The following NEIL3 variants were observed in gnomAD, a reference collection of about 807,000 sequenced individuals.
NEIL3 encodes the protein nei like DNA glycosylase 3, also known as endonuclease 8-like 3.
Under a neutral mutation model 57.5 loss-of-function variants are expected in NEIL3, and 48 were observed. That is an observed-to-expected ratio of 0.83 (90% confidence interval 0.66 to 1.06). The LOEUF (loss-of-function observed/expected upper bound fraction) is 1.06. Ranked by LOEUF, NEIL3 falls within the 50% of genes least tolerant of loss-of-function variation. The pLI is 0.00. For synonymous variants in NEIL3, 261 were observed against 253.2 expected, an observed-to-expected ratio of 1.03 and a Z score of -0.29; for missense variants, 717 against 739.1, an observed-to-expected ratio of 0.97 and a Z score of 0.35.
At chr4:177,351,588 A>C in intron 7 of NEIL3, 39 bp downstream of exon 7, 2 of 1,507,542 alleles carry the variant, frequency 1.3e-6, no homozygotes, top group Non-Finnish European at 1.8e-6. Flanking sequence ...TTACATTTCT[A>C]AGAGGGTTAA....
downstream of NEIL3, among the ~76,000 whole-genome samples, chr4:177,364,658 G>A (rs997926093): frequency 9.9e-5 from 15 of 152,090 alleles, no homozygotes; most frequent in Non-Finnish European, 1.5e-5. Flanking sequence ...GGCCGGGCAC[G>A]GTGGCTCACA....
intron 8 of NEIL3, 38 bp from the exon 9 acceptor site, chr4:177,360,465 C>T: frequency 6.4e-7 from 1 of 1,558,486 alleles, no homozygotes; most frequent in South Asian, 1.2e-5. Context: ...TCCCTTAGCA[C>T]TCCTATGCTG....
In NEIL3 at chr4:177,351,505, C is replaced by T. The variant is rs976996832; in HGVS notation, c.995C>T (p.Pro332Leu). 4 of 1,613,888 alleles carry T rather than the reference C, an allele frequency of 2.5e-6. No homozygotes were observed. Among genetic ancestry groups the T allele is most frequent in the Admixed American group, 3.3e-5 (2 of 59,986 alleles). Residue 332 changes from proline (P) to leucine (L), a missense_variant, in exon 7 of 10, where the codon CCC becomes CTC. Physicochemically the swap from Pro to Leu is moderately conservative, Grantham distance 98 (BLOSUM62 -3). Coordinates refer to ENST00000264596, the MANE Select transcript of NEIL3 (RefSeq NM_018248.3). ...GTGGTGTGTACTTTAATCAATAAGC[C>T]CTCTTCTAAGGCATGTGATGCTTGC... ...TCVVCTLINK[P>L]SSKACDACLT...
At chr4:177,311,264 A>G (rs1351421114) in intron 1 of NEIL3, among the ~76,000 whole-genome samples, 2 of 152,208 alleles carry the variant, frequency 1.3e-5, no homozygotes, top group African/African-American at 4.8e-5. Flanking sequence ...AGACACAAAG[A>G]CATTCATTAA....
At chr4:177,336,085 G>A in intron 3 of NEIL3, 23 bp from the exon 4 acceptor site, 1 of 1,538,184 alleles carries the variant, frequency 6.5e-7, no homozygotes, top group Non-Finnish European at 9.0e-7. Context: ...TATGATTAAT[G>A]TGTTTTATAT....
chr4:177,338,465 T>TTTC (rs1291000988), intron 4 of NEIL3, among the ~76,000 whole-genome samples: 1 of 152,168 alleles, frequency 6.6e-6, no homozygotes, highest in African/African-American at 2.4e-5. Flanking sequence ...ATACTATATT[T>TTTC]TTCATTCATG....
At position 177,322,578 on chromosome 4, in the gene NEIL3, ACGGTAAGATAAGCC is replaced by A. The variant is rs1734706550; in HGVS notation, c.277_278+12del. 1 of 1,613,740 alleles carries A rather than the reference ACGGTAAGATAAGCC, an allele frequency of 6.2e-7. No homozygotes were observed. ...TTATGTACTTTGGACCAAAAGCTTT[ACGGTAAGATAAGCC>A]TGTACGATACATCTTATCTCTCTAT... On this transcript the variant is annotated splice_donor_variant and splice_donor_5th_base_variant and coding_sequence_variant and intron_variant, in exon 2 of 10. Coordinates refer to ENST00000264596, the MANE Select transcript of NEIL3 (RefSeq NM_018248.3). LOFTEE classifies it high-confidence loss of function.
At chr4:177,326,092 G>T (rs28862591) in intron 2 of NEIL3, among the ~76,000 whole-genome samples, 30,734 of 151,688 alleles carry the variant, frequency 0.2, 3,473 homozygotes, top group East Asian at 0.31. Flanking sequence ...TCATTCATAC[G>T]TTTTGTGACC....
At chr4:177,324,774 T>C (rs1423139845) in intron 2 of NEIL3, among the ~76,000 whole-genome samples, 1 of 152,152 alleles carries the variant, frequency 6.6e-6, no homozygotes, top group Non-Finnish European at 1.5e-5. Flanking sequence ...AGTAATACAT[T>C]CTCAATCCCA....
intron 8 of NEIL3, among the ~76,000 whole-genome samples, chr4:177,357,450 C>T (rs1416784173): frequency 6.6e-6 from 1 of 151,988 alleles, no homozygotes; most frequent in Non-Finnish European, 1.5e-5. Context: ...TCCACTGTGG[C>T]CCAGGGAAGC....
downstream of NEIL3, among the ~76,000 whole-genome samples, chr4:177,366,458 G>C (rs570830889): frequency 2.6e-3 from 390 of 152,252 alleles, 3 homozygotes; most frequent in African/African-American, 8.4e-3. Flanking sequence ...TAGTGCAGTG[G>C]CACAATCTCG....
chr4:177,359,046 A>G (rs1735546885), intron 8 of NEIL3, among the ~76,000 whole-genome samples: 1 of 152,120 alleles, frequency 6.6e-6, no homozygotes, highest in African/African-American at 2.4e-5. Flanking sequence ...CTTGAAGTTA[A>G]AGTTTTGGAG....
intron 9 of NEIL3, 91 bp from the exon 10 acceptor site, chr4:177,362,198 C>T: frequency 1.2e-6 from 1 of 853,416 alleles, no homozygotes; most frequent in Non-Finnish European, 1.7e-6. Flanking sequence ...GCAGTGAAGA[C>T]TATATGGCAC....
intron 8 of NEIL3, among the ~76,000 whole-genome samples, chr4:177,356,568 C>A (rs1179123829): frequency 4.6e-5 from 7 of 152,172 alleles, no homozygotes; most frequent in Non-Finnish European, 8.8e-5. Context: ...GGACAAGATG[C>A]CTAGCAGAAG....
chr4:177,348,244 A>G (rs1319605551), intron 6 of NEIL3, among the ~76,000 whole-genome samples: 1 of 152,148 alleles, frequency 6.6e-6, no homozygotes, highest in African/African-American at 2.4e-5. Flanking sequence ...ACACGTTCCC[A>G]CATGACGCCC....
rs547801302 is a variant in NEIL3 at position 177,350,333 on chromosome 4, C to T, written c.870-1047C>T. On this transcript the variant is annotated intron_variant, in intron 6 of 9. Coordinates refer to ENST00000264596, the MANE Select transcript of NEIL3 (RefSeq NM_018248.3). ...TTAACTGTGTGACATGCTCTATATCCAGACCTATAGCTAGCTGTGCATTAG... is the reference window on the plus strand; with the variant it reads ...TTAACTGTGTGACATGCTCTATATCTAGACCTATAGCTAGCTGTGCATTAG... Among the ~76,000 whole-genome samples the T allele has an allele frequency of 5.1e-4, 77 of 152,284 alleles. No individual in the cohort carries two copies. In the South Asian group the frequency reaches 6.6e-3, roughly 13 times the overall value.
At chr4:177,322,163 C>T (rs1163094468) in intron 1 of NEIL3, among the ~76,000 whole-genome samples, 1 of 152,140 alleles carries the variant, frequency 6.6e-6, no homozygotes, top group African/African-American at 2.4e-5. Flanking sequence ...TATTCCTATG[C>T]TTTCTTTTCA....
At chr4:177,347,001 C>T (rs1380238273) in intron 6 of NEIL3, among the ~76,000 whole-genome samples, 3 of 123,404 alleles carry the variant, frequency 2.4e-5, no homozygotes, top group African/African-American at 8.9e-5. Context: ...GACTCCGTCT[C>T]AAAAAAAAAA....
intron 1 of NEIL3, among the ~76,000 whole-genome samples, chr4:177,320,386 T>A (rs1332172106): frequency 6.6e-6 from 1 of 151,942 alleles, no homozygotes; most frequent in East Asian, 1.9e-4. Flanking sequence ...GACTGAGCTT[T>A]GAGGACATGG....
Sources: gnomAD v4.1 joint callset for allele counts (sites outside exome capture counted in the v4.1 genomes callset) on GRCh38, gnomAD v4.1.1 for gene constraint, MANE v1.5 for transcripts, NCBI Gene and HGNC (gene_info 2026-07-23, HGNC 2026-07-21) for gene names.